The following FAM149B1 variants were observed in gnomAD, a reference collection of about 807,000 sequenced individuals.
The protein encoded by FAM149B1 is primary cilium assembly protein FAM149B1.
Under a neutral mutation model 75.3 loss-of-function variants are expected in FAM149B1, and 56 were observed. The ratio of observed to expected loss-of-function variants is 0.74; its 90% CI spans 0.60 to 0.93. FAM149B1 has a LOEUF of 0.93. FAM149B1 is among the 40% of genes least tolerant of loss of function. The pLI is 0.00. For missense variants in FAM149B1, 639 were observed against 708.4 expected (o/e 0.90, Z 1.11); for synonymous variants, 259 against 256.1 (o/e 1.01, Z -0.11).
Position 73,233,092 on chromosome 10 carries a change from T to C in FAM149B1, c.1281T>C (p.His427=), listed in dbSNP as rs993432121. ...GCAATCCACCACCACGAACTCTTCA[T>C]CCGATCAGCACGAGCCATTCATGTG... ...RRRNPPPRTL[H]PISTSHSCAE... Residue 427 remains histidine, a synonymous_variant, in exon 10 of 14, where the codon CAT becomes CAC. Transcript: ENST00000242505. 2 of 1,551,638 alleles carry C rather than the reference T, an allele frequency of 1.3e-6. No individual in the cohort carries two copies. Among genetic ancestry groups the C allele is most frequent in the South Asian group, 1.2e-5 (1 of 84,056 alleles).
At position 73,194,680 on chromosome 10, in the gene FAM149B1, CT is replaced by C. The variant is rs199819265; in HGVS notation, c.542+1096del. Among the ~76,000 whole-genome samples, 240 of 142,084 alleles carry C rather than the reference CT, an allele frequency of 1.7e-3. 9 individuals are homozygous for C. In the East Asian group the frequency reaches 0.043, roughly 26 times the overall value. The allele number at this position is 142,084 out of a possible 152,430, so 93.2% of individuals were successfully genotyped here. On this transcript the variant is annotated intron_variant, in intron 5 of 13. Coordinates refer to ENST00000242505, the MANE Select transcript of FAM149B1 (RefSeq NM_173348.2). ...ACCCAGACTTTTTTTTTTCTTTTTT[CT>C]TTTTTTTTCTCTTGAGACAGAATCT...
intron 10 of FAM149B1, chr10:73,234,563 C>T (rs2133408189): frequency 1.2e-5 from 5 of 428,840 alleles, no homozygotes; most frequent in Non-Finnish European, 2.1e-5. Context: ...TGTTTTATTC[C>T]AGTTCTGTGG....
At chr10:73,192,422 TC>T in intron 3 of FAM149B1, 133 bp from the exon 4 acceptor site, 1 of 830,664 alleles carries the variant, frequency 1.2e-6, no homozygotes, top group Non-Finnish European at 1.8e-6. Flanking sequence ...AACTTTTCTT[TC>T]GTGGAAACAC....
rs1327843895 is a variant in FAM149B1 at position 73,208,705 on chromosome 10, C to G, written c.629C>G (p.Ser210Cys). 4.5e-6 allele frequency: 7 copies of G among 1,548,950 alleles called. No homozygotes were observed. The South Asian group carries it at 8.4e-5, about 19-fold the overall frequency. ...ATTGCCAAATCCTCCAGCTTTTGTTCTATGGAAAGAGATGAGGAAGACTCT... is the reference window on the plus strand; with the variant it reads ...ATTGCCAAATCCTCCAGCTTTTGTTGTATGGAAAGAGATGAGGAAGACTCT... ...SSIAKSSSFC[S>C]MERDEEDSII... The change falls in exon 6 of 14, where the codon TCT becomes TGT. Residue 210 changes from serine (S) to cysteine (C), a missense_variant. Physicochemically the swap from Ser to Cys is moderately radical, Grantham distance 112. Coordinates refer to ENST00000242505, the MANE Select transcript of FAM149B1 (RefSeq NM_173348.2).
Position 73,230,542 on chromosome 10 carries a change from T to G in FAM149B1, c.1127+17T>G. On this transcript the variant is annotated intron_variant, in intron 9 of 13. Transcript: ENST00000242505. ...CAAGCTCCTGTAAGAAGTTCAACAT[T>G]TTCAGACTATACAGTGTAAAAGGGA... The G allele has an allele frequency of 1.5e-6, 2 of 1,308,090 alleles. No individual in the cohort carries two copies. Among genetic ancestry groups the G allele is most frequent in the East Asian group, 5.0e-5 (2 of 39,734 alleles). The allele number at this position is 1,308,090 out of a possible 1,614,324, so 81.0% of individuals were successfully genotyped here.
At chr10:73,170,261 T>C (rs1296998231) in intron 1 of FAM149B1, among the ~76,000 whole-genome samples, 1 of 152,094 alleles carries the variant, frequency 6.6e-6, no homozygotes, top group Admixed American at 6.6e-5. Flanking sequence ...CCTAGCACTT[T>C]GGGAGGCCAA....
intron 5 of FAM149B1, among the ~76,000 whole-genome samples, chr10:73,199,625 C>T (rs1012605110): frequency 1.3e-5 from 2 of 152,214 alleles, no homozygotes; most frequent in Admixed American, 1.3e-4. Flanking sequence ...CCTGCCTCAG[C>T]CTCCCAAATA....
intron 7 of FAM149B1, among the ~76,000 whole-genome samples, chr10:73,225,004 T>C (rs912743105): frequency 1.3e-5 from 2 of 152,232 alleles, no homozygotes; most frequent in Non-Finnish European, 1.5e-5. Flanking sequence ...TATCACCTAA[T>C]GCCATTGTAG....
intron 3 of FAM149B1, among the ~76,000 whole-genome samples, chr10:73,186,721 G>T (rs927379196): frequency 1.3e-5 from 2 of 152,194 alleles, no homozygotes; most frequent in Non-Finnish European, 2.9e-5. Context: ...AAGAAGTTCC[G>T]ATACATGTTA....
At chr10:73,239,204 C>G in intron 12 of FAM149B1, 108 bp from the exon 13 acceptor site, 4 of 895,968 alleles carry the variant, frequency 4.5e-6, no homozygotes, top group Non-Finnish European at 7.0e-6. Context: ...AGTTGGTAGT[C>G]TATGCCTTTT....
chr10:73,206,665 C>T (rs546351005), intron 5 of FAM149B1, among the ~76,000 whole-genome samples: 50 of 152,286 alleles, frequency 3.3e-4, no homozygotes, highest in African/African-American at 1.2e-3. Flanking sequence ...TGGGGCTCAG[C>T]GGGGCCCAGT....
chr10:73,177,949 A>G lies in FAM149B1; in HGVS notation c.256A>G (p.Ser86Gly). The G allele has an allele frequency of 6.4e-7, 1 of 1,551,316 alleles. No homozygotes were observed. The highest frequency in any genetic ancestry group is 1.2e-5 in the South Asian group (1 of 84,032). The change falls in exon 3 of 14, where the codon AGC (serine) becomes GGC (glycine). Residue 86 changes from serine to glycine, a missense_variant. Ser to Gly is a moderately conservative substitution (Grantham distance 56, BLOSUM62 0). Coordinates refer to ENST00000242505, the MANE Select transcript of FAM149B1 (RefSeq NM_173348.2). Reference protein sequence around the residue: ...YTGAGISTEGSSDFSWGYGEL... With the variant: ...YTGAGISTEGGSDFSWGYGEL... Reference sequence around the variant, plus strand: ...AGGCGCAGGGATATCTACTGAAGGAAGCTCGGACTTCTCCTGGGGATATGG... The same window carrying G: ...AGGCGCAGGGATATCTACTGAAGGAGGCTCGGACTTCTCCTGGGGATATGG...
chr10:73,198,868 C>T (rs1297458896), intron 5 of FAM149B1, among the ~76,000 whole-genome samples: 1 of 152,158 alleles, frequency 6.6e-6, no homozygotes, highest in Non-Finnish European at 1.5e-5. Flanking sequence ...CGATTCTACA[C>T]AGATATGCAA....
At chr10:73,198,384 A>G (rs1209966914) in intron 5 of FAM149B1, among the ~76,000 whole-genome samples, 2 of 152,232 alleles carry the variant, frequency 1.3e-5, no homozygotes, top group East Asian at 3.8e-4. Flanking sequence ...ACACTTCTGA[A>G]CATCAAAAGA....
At chr10:73,202,349 A>G (rs895060225) in intron 5 of FAM149B1, among the ~76,000 whole-genome samples, 1 of 152,198 alleles carries the variant, frequency 6.6e-6, no homozygotes, top group African/African-American at 2.4e-5. Flanking sequence ...AACACAAAGA[A>G]TTCCATTAGT....
At chr10:73,205,666 G>C (rs932064755) in intron 5 of FAM149B1, among the ~76,000 whole-genome samples, 1 of 152,112 alleles carries the variant, frequency 6.6e-6, no homozygotes, top group African/African-American at 2.4e-5. Context: ...CAATTCTCCT[G>C]CCTTAGCCTC....
intron 5 of FAM149B1, among the ~76,000 whole-genome samples, chr10:73,201,634 G>C (rs1016650182): frequency 2.6e-5 from 4 of 152,226 alleles, no homozygotes; most frequent in Non-Finnish European, 4.4e-5. Context: ...TCATTAGCCT[G>C]AGTAGGAAGG....
chr10:73,235,855 T>G (rs991112096), intron 12 of FAM149B1, among the ~76,000 whole-genome samples: 4 of 152,104 alleles, frequency 2.6e-5, no homozygotes, highest in African/African-American at 9.7e-5. Context: ...TTTCTACTGG[T>G]GTTTTAAATG....
chr10:73,172,629 C>T (rs1843762146), intron 1 of FAM149B1, among the ~76,000 whole-genome samples: 1 of 152,148 alleles, frequency 6.6e-6, no homozygotes, highest in African/African-American at 2.4e-5. Flanking sequence ...TGAGGAAAGT[C>T]TACCGCAGAT....
Sources: allele counts gnomAD v4.1 joint callset (sites outside exome capture counted in the v4.1 genomes callset), GRCh38; gene constraint gnomAD v4.1.1; transcripts MANE v1.5; gene names NCBI Gene and HGNC (gene_info 2026-07-23, HGNC 2026-07-21).